ADAMTSL3: variants seen among roughly 807,000 people sequenced by gnomAD.
ADAMTSL3 encodes the protein ADAMTS like 3.
Under a neutral mutation model 201.7 loss-of-function variants are expected in ADAMTSL3, and 128 were observed. The observed-to-expected ratio is 0.63, with a 90% confidence interval of 0.55 to 0.73. The LOEUF is 0.73. Among genes scored for constraint, ADAMTSL3 ranks in the 30% least tolerant of loss-of-function variants. The pLI, the probability that ADAMTSL3 is intolerant of heterozygous loss-of-function variation, is 0.00. For missense variants in ADAMTSL3, 1,990 were observed against 2,119.6 expected, an observed-to-expected ratio of 0.94 and a Z score of 1.20; for synonymous variants, 738 against 748.4, an observed-to-expected ratio of 0.99 and a Z score of 0.23.
rs186076137 is a variant in ADAMTSL3, at chr15:83,763,650, G to A, written c.190-9873G>A. Among the ~76,000 whole-genome samples the A allele has an allele frequency of 2.1e-4, 32 of 151,932 alleles. No homozygotes were observed. The East Asian group carries it at 3.9e-3, about 18-fold the overall frequency. ...CTCCTGAGTAGCTGGGACTACAGGCGCCCACCACCATGCCTGGCTAATTTT... is the reference window on the plus strand; with the variant it reads ...CTCCTGAGTAGCTGGGACTACAGGCACCCACCACCATGCCTGGCTAATTTT... On this transcript the variant is annotated intron_variant, in intron 3 of 29. Transcript: ENST00000286744.
intron 7 of ADAMTSL3, among the ~76,000 whole-genome samples, chr15:83,850,501 A>T (rs2141740297): frequency 1.3e-5 from 2 of 148,772 alleles, no homozygotes; most frequent in East Asian, 3.9e-4. Flanking sequence ...ATTTATATAT[A>T]AAAATATTTT....
intron 19 of ADAMTSL3, chr15:83,945,615 A>AT (rs2066640804): frequency 6.6e-6 from 1 of 152,114 alleles, no homozygotes; most frequent in South Asian, 2.1e-4. Flanking sequence ...ACCTTGCCCC[A>AT]TTGTCAGGAG....
At chr15:83,978,295 G>A (rs542380836) in intron 20 of ADAMTSL3, among the ~76,000 whole-genome samples, 1 of 152,344 alleles carries the variant, frequency 6.6e-6, no homozygotes, top group Admixed American at 6.5e-5. Context: ...TTGACTGGGT[G>A]TGGCAGACTG....
intron 3 of ADAMTSL3, among the ~76,000 whole-genome samples, chr15:83,767,841 A>G (rs2062918058): frequency 6.6e-6 from 1 of 152,230 alleles, no homozygotes; most frequent in Admixed American, 6.5e-5. Context: ...TTGGCTGCTT[A>G]CTTGGCATTA....
chr15:83,866,436 A>T (rs941678951), intron 8 of ADAMTSL3, among the ~76,000 whole-genome samples: 3 of 152,232 alleles, frequency 2.0e-5, no homozygotes, highest in Non-Finnish European at 4.4e-5. Context: ...GCCATAAAAA[A>T]GGATGAGTTC....
chr15:83,840,558 C>G (rs181131106), intron 7 of ADAMTSL3, among the ~76,000 whole-genome samples: 2 of 152,252 alleles, frequency 1.3e-5, no homozygotes, highest in African/African-American at 4.8e-5. Flanking sequence ...TTATTTGACT[C>G]TTCATTAGGA....
At chr15:83,715,126 C>T (rs1340006480) in intron 3 of ADAMTSL3, among the ~76,000 whole-genome samples, 1 of 152,060 alleles carries the variant, frequency 6.6e-6, no homozygotes, top group Non-Finnish European at 1.5e-5. Flanking sequence ...AAACAACAAA[C>T]CCTGTGGGGA....
chr15:83,994,504 T>C (rs962358060), intron 23 of ADAMTSL3, among the ~76,000 whole-genome samples: 4 of 152,012 alleles, frequency 2.6e-5, no homozygotes, highest in Admixed American at 6.6e-5. Context: ...CTTAAAAATA[T>C]CTACTTTAAA....
At chr15:83,800,272 G>C (rs1038001508) in intron 4 of ADAMTSL3, among the ~76,000 whole-genome samples, 2 of 152,134 alleles carry the variant, frequency 1.3e-5, no homozygotes, top group Admixed American at 1.3e-4. Context: ...TTGAAAATTC[G>C]TGACATAAAA....
Position 83,988,701 on chromosome 15 carries a change from G to A in ADAMTSL3, c.3727G>A (p.Asp1243Asn), listed in dbSNP as rs1037607943. The A allele has an allele frequency of 7.5e-6, 12 of 1,598,538 alleles. No individual in the cohort carries two copies. Among genetic ancestry groups the A allele is most frequent in the Middle Eastern group, 1.7e-4 (1 of 6,022 alleles). ...LLQPSVKIIL[D>N]GTGKIQIQNP... is the part of the protein sequence containing the mutation. ...CTAACTGTTCTACAGAATAATTTTG[G>A]ATGGAACTGGGAAGATACAGATACA... is the stretch of plus-strand genomic sequence containing the variant. Residue 1243 changes from aspartate (D) to asparagine (N), a missense_variant, in exon 22 of 30, where the codon GAT becomes AAT. Coordinates refer to ENST00000286744, the MANE Select transcript of ADAMTSL3 (RefSeq NM_207517.3).
At chr15:83,972,760 C>T (rs927158438) in intron 20 of ADAMTSL3, among the ~76,000 whole-genome samples, 12 of 152,182 alleles carry the variant, frequency 7.9e-5, no homozygotes, top group Admixed American at 3.3e-4. Context: ...GCACAGCCAA[C>T]GCACCCTGAG....
chr15:83,986,617 C>T (rs977769310), intron 21 of ADAMTSL3, among the ~76,000 whole-genome samples: 1 of 152,182 alleles, frequency 6.6e-6, no homozygotes, highest in Admixed American at 6.5e-5. Context: ...ATTCCCTTTA[C>T]ATAACAAATG....
chr15:83,918,957 G>A (rs1050390196), intron 16 of ADAMTSL3, among the ~76,000 whole-genome samples: 8 of 152,114 alleles, frequency 5.3e-5, no homozygotes, highest in African/African-American at 1.9e-4. Flanking sequence ...AGACATGTAG[G>A]AGATAAAAGG....
intron 5 of ADAMTSL3, among the ~76,000 whole-genome samples, chr15:83,805,779 A>C (rs184339606): frequency 2.2e-4 from 33 of 152,332 alleles, no homozygotes; most frequent in Middle Eastern, 3.4e-3. Context: ...AGGGAATAGC[A>C]GAATGCCTGT....
chr15:83,665,751 T>G (rs1001217407), intron 2 of ADAMTSL3, among the ~76,000 whole-genome samples: 3 of 152,222 alleles, frequency 2.0e-5, no homozygotes, highest in Admixed American at 6.5e-5. Flanking sequence ...CTTTCTGGAA[T>G]TTGTCAGCAC....
intron 27 of ADAMTSL3, 74 bp from the exon 28 acceptor site, chr15:84,031,261 C>T (rs1257578450): frequency 1.4e-6 from 2 of 1,424,390 alleles, no homozygotes; most frequent in Non-Finnish European, 2.0e-6. Context: ...TATCCTGCCT[C>T]AGTACATGAT....
At chr15:83,884,974 G>GC in intron 9 of ADAMTSL3, 127 bp from the exon 10 acceptor site, 7 of 620,686 alleles carry the variant, frequency 1.1e-5, no homozygotes, top group Non-Finnish European at 2.0e-5. Flanking sequence ...TTGGACTCTT[G>GC]CCCCATAGTT....
chr15:83,665,352 C>T (rs1260045023), intron 2 of ADAMTSL3, among the ~76,000 whole-genome samples: 1 of 152,046 alleles, frequency 6.6e-6, no homozygotes, highest in Non-Finnish European at 1.5e-5. Context: ...CATGGAGTCT[C>T]ACCTTCGGGG....
chr15:83,921,275 T>C (rs2066137873), intron 16 of ADAMTSL3, among the ~76,000 whole-genome samples: 1 of 152,214 alleles, frequency 6.6e-6, no homozygotes, highest in South Asian at 2.1e-4. Flanking sequence ...CTTACTGCAG[T>C]TTCCTAGACT....
Sources: gnomAD v4.1 joint callset for allele counts (sites outside exome capture counted in the v4.1 genomes callset) on GRCh38, gnomAD v4.1.1 for gene constraint, MANE v1.5 for transcripts, NCBI Gene and HGNC (gene_info 2026-07-23, HGNC 2026-07-21) for gene names.